The following UBE2E2 variants were observed in gnomAD, a reference collection of about 807,000 sequenced individuals.
The protein encoded by UBE2E2 is ubiquitin-conjugating enzyme E2 E2.
UBE2E2 carries 6 observed loss-of-function variants against 24.7 expected under a neutral mutation model. The ratio of observed to expected loss-of-function variants is 0.24; its 90% CI spans 0.13 to 0.48. The LOEUF is 0.48. Among genes scored for constraint, UBE2E2 ranks in the 20% least tolerant of loss-of-function variants. The pLI, the probability that UBE2E2 is intolerant of heterozygous loss-of-function variation, is 0.99. For missense variants in UBE2E2, 169 were observed against 245.0 expected (o/e 0.69, Z 2.07); for synonymous variants, 104 against 83.6 (o/e 1.24, Z -1.33).
chr3:23,435,411 G>A (rs1324283574), intron 3 of UBE2E2, among the ~76,000 whole-genome samples: 2 of 152,238 alleles, frequency 1.3e-5, no homozygotes, highest in Non-Finnish European at 2.9e-5. Context: ...CACACAGCCA[G>A]TAAGTGGTGG....
At chr3:23,318,792 A>G (rs945109080) in intron 3 of UBE2E2, among the ~76,000 whole-genome samples, 2 of 152,338 alleles carry the variant, frequency 1.3e-5, no homozygotes, top group South Asian at 2.1e-4. Context: ...TTAGCATTCA[A>G]GATGAAATTT....
Position 23,225,010 on chromosome 3 carries a change from T to C in UBE2E2, c.227+7698T>C, listed in dbSNP as rs527680934. Among the ~76,000 whole-genome samples, 12 of 151,920 alleles carry C rather than the reference T, an allele frequency of 7.9e-5. No homozygotes were observed. In the East Asian group the frequency reaches 2.3e-3, roughly 29 times the overall value. ...ATCCTAGTAGATATGAAGTGGTATT[T>C]TGTTGTGGTATTGATTTGCATTATT... On this transcript the variant is annotated intron_variant, in intron 3 of 5. Coordinates refer to ENST00000396703, the MANE Select transcript of UBE2E2 (RefSeq NM_152653.4).
At chr3:23,365,938 G>A (rs143282571) in intron 3 of UBE2E2, among the ~76,000 whole-genome samples, 115 of 152,244 alleles carry the variant, frequency 7.6e-4, no homozygotes, top group Middle Eastern at 3.4e-3. Context: ...AGACTGAATA[G>A]AGAGCTCAGA....
chr3:23,348,602 A>G (rs1695631412), intron 3 of UBE2E2, among the ~76,000 whole-genome samples: 1 of 152,186 alleles, frequency 6.6e-6, no homozygotes, highest in South Asian at 2.1e-4. Flanking sequence ...AATTCTAGAC[A>G]CCAAGGACTG....
chr3:23,284,615 T>C (rs770730406), intron 3 of UBE2E2, among the ~76,000 whole-genome samples: 10 of 152,042 alleles, frequency 6.6e-5, no homozygotes, highest in Non-Finnish European at 1.3e-4. Context: ...TGGGGGATGA[T>C]ACCTTGGGGA....
chr3:23,511,122 T>C (rs1694585002), intron 4 of UBE2E2, among the ~76,000 whole-genome samples: 1 of 152,232 alleles, frequency 6.6e-6, no homozygotes, highest in Non-Finnish European at 1.5e-5. Flanking sequence ...TTTTTTCAAC[T>C]TTGACCCAGC....
At chr3:23,389,147 A>T (rs1050016431) in intron 3 of UBE2E2, among the ~76,000 whole-genome samples, 1 of 152,220 alleles carries the variant, frequency 6.6e-6, no homozygotes. Flanking sequence ...CTCCTCTGCC[A>T]TCCCTACAAT....
At chr3:23,448,606 A>G (rs914545579) in intron 3 of UBE2E2, among the ~76,000 whole-genome samples, 1 of 152,200 alleles carries the variant, frequency 6.6e-6, no homozygotes, top group African/African-American at 2.4e-5. Flanking sequence ...GATATTTTCT[A>G]TTTAAAATAA....
intron 3 of UBE2E2, among the ~76,000 whole-genome samples, chr3:23,490,704 C>G (rs1480344103): frequency 6.6e-6 from 1 of 152,118 alleles, no homozygotes; most frequent in African/African-American, 2.4e-5. Context: ...CTACTGCTTT[C>G]CCTGGGAAAA....
intron 5 of UBE2E2, among the ~76,000 whole-genome samples, chr3:23,532,961 G>A (rs533509028): frequency 5.2e-4 from 79 of 152,206 alleles, no homozygotes; most frequent in Non-Finnish European, 9.0e-4. Context: ...GGGAAAGTAC[G>A]TTTAAAGAAT....
chr3:23,564,691 C>T (rs890144330), intron 5 of UBE2E2, among the ~76,000 whole-genome samples: 3 of 152,172 alleles, frequency 2.0e-5, no homozygotes, highest in African/African-American at 4.8e-5. Context: ...TCTGTCAGCA[C>T]ATCCACGGGG....
chr3:23,340,834 G>A (rs746241769), intron 3 of UBE2E2, among the ~76,000 whole-genome samples: 3 of 152,026 alleles, frequency 2.0e-5, no homozygotes, highest in African/African-American at 4.8e-5. Flanking sequence ...CTTTAAAGTC[G>A]GTATATAAAC....
chr3:23,318,699 C>G (rs1475969890), intron 3 of UBE2E2, among the ~76,000 whole-genome samples: 4 of 152,114 alleles, frequency 2.6e-5, no homozygotes. Flanking sequence ...TTCACTACCA[C>G]GAGAACAGTA....
chr3:23,571,276 C>CTTTTTTTTTTTT (rs1559425735), intron 5 of UBE2E2, among the ~76,000 whole-genome samples: 2 of 24,690 alleles, frequency 8.1e-5, no homozygotes, highest in Non-Finnish European at 1.9e-4. Flanking sequence ...CTGTGTGCTC[C>CTTTTTTTTTTTT]TTTCTTTTTT....
chr3:23,203,179 G>A, upstream of UBE2E2: 1 of 985,982 alleles, frequency 1.0e-6, no homozygotes, highest in Non-Finnish European at 1.2e-6. Context: ...AGGACTCAGG[G>A]GCAGCCACAG....
chr3:23,241,275 A>G (rs1697251998), intron 3 of UBE2E2, among the ~76,000 whole-genome samples: 1 of 152,180 alleles, frequency 6.6e-6, no homozygotes, highest in Admixed American at 6.5e-5. Flanking sequence ...TTATGGTCCA[A>G]GCCGTCTTCA....
chr3:23,354,273 C>T (rs1016298048), intron 3 of UBE2E2, among the ~76,000 whole-genome samples: 3 of 151,998 alleles, frequency 2.0e-5, no homozygotes, highest in African/African-American at 7.3e-5. Context: ...AGACCTAAAA[C>T]CATAAAAACC....
chr3:23,559,904 G>A (rs1695880742), intron 5 of UBE2E2, among the ~76,000 whole-genome samples: 1 of 152,060 alleles, frequency 6.6e-6, no homozygotes. Context: ...AGTACATACT[G>A]GACCTAATTT....
At chr3:23,354,771 A>C (rs1434516638) in intron 3 of UBE2E2, among the ~76,000 whole-genome samples, 1 of 152,196 alleles carries the variant, frequency 6.6e-6, no homozygotes, top group Non-Finnish European at 1.5e-5. Flanking sequence ...ACACTTTTAC[A>C]CTGTTGGTGG....
Sources: gnomAD v4.1 joint callset for allele counts (sites outside exome capture counted in the v4.1 genomes callset) on GRCh38, gnomAD v4.1.1 for gene constraint, MANE v1.5 for transcripts, NCBI Gene and HGNC (gene_info 2026-07-23, HGNC 2026-07-21) for gene names.